The following KIF2A variants were observed in gnomAD, a reference collection of about 807,000 sequenced individuals.
The protein encoded by KIF2A is kinesin-like protein KIF2A.
Under a neutral mutation model 100.2 loss-of-function variants are expected in KIF2A, and 22 were observed. The observed-to-expected ratio is 0.22, with a 90% CI of 0.16 to 0.31. The LOEUF (loss-of-function observed/expected upper bound fraction) is 0.31, where lower values mean the gene tolerates loss of function less well. Ranked by LOEUF, KIF2A falls within the 10% of genes least tolerant of loss-of-function variation. KIF2A has a pLI of 1.00. For missense variants in KIF2A, 495 were observed against 898.7 expected (o/e 0.55, Z 5.74); for synonymous variants, 268 against 285.9 (o/e 0.94, Z 0.63).
intron 7 of KIF2A, among the ~76,000 whole-genome samples, chr5:62,356,923 T>G (rs184266025): frequency 6.6e-6 from 1 of 151,258 alleles, no homozygotes; most frequent in African/African-American, 2.4e-5. Context: ...GTAGCTGGAA[T>G]TACAGGCATG....
chr5:62,352,880 T>C, intron 5 of KIF2A, 170 bp downstream of exon 5: 1 of 521,088 alleles, frequency 1.9e-6, no homozygotes. Flanking sequence ...GTTAATTGGG[T>C]TTTTTAAAGT....
chr5:62,355,927 G>A (rs916018844), intron 7 of KIF2A, among the ~76,000 whole-genome samples: 15 of 150,356 alleles, frequency 1.0e-4, no homozygotes, highest in African/African-American at 2.9e-4. Flanking sequence ...GACTACAGGC[G>A]CCTGCCACCA....
chr5:62,373,002 G>A (rs922889856), intron 17 of KIF2A, among the ~76,000 whole-genome samples: 1 of 151,746 alleles, frequency 6.6e-6, no homozygotes, highest in South Asian at 2.1e-4. Flanking sequence ...TTTGGGAGGC[G>A]GAGGCTGGTG....
chr5:62,359,128 A>G (rs1425020694), intron 9 of KIF2A, among the ~76,000 whole-genome samples: 1 of 152,190 alleles, frequency 6.6e-6, no homozygotes, highest in African/African-American at 2.4e-5. Context: ...TGTTTTCTGT[A>G]TTCAACTTAA....
intron 18 of KIF2A, among the ~76,000 whole-genome samples, chr5:62,376,538 G>C (rs563439450): frequency 3.5e-4 from 53 of 152,146 alleles, no homozygotes; most frequent in African/African-American, 1.3e-3. Context: ...TCCTGCCTCA[G>C]CCTCCCGAGT....
Position 62,361,510 on chromosome 5 carries a change from A to G in KIF2A, c.1008A>G (p.Lys336=). 6.3e-7 allele frequency: 1 copy of G among 1,578,176 alleles called. No homozygotes were observed. The change falls in exon 11 of 21, where the codon AAA becomes AAG. Residue 336 remains lysine, a synonymous_variant. Coordinates refer to ENST00000407818, the MANE Select transcript of KIF2A (RefSeq NM_001098511.3). ...DFSGKNQDCS[K]GIYALAARDV... ...CAGGAAAGAACCAAGATTGTTCTAA[A>G]GGAATTTATGCATTAGCAGGTAACT...
chr5:62,336,165 T>C (rs986764276), intron 1 of KIF2A, among the ~76,000 whole-genome samples: 1 of 152,198 alleles, frequency 6.6e-6, no homozygotes, highest in African/African-American at 2.4e-5. Context: ...AAGAGATGGA[T>C]GAGGCTGAAG....
intron 1 of KIF2A, among the ~76,000 whole-genome samples, chr5:62,323,254 C>CA (rs147491794): frequency 0.28 from 32,896 of 117,242 alleles, 3,890 homozygotes; most frequent in Middle Eastern, 0.41. Flanking sequence ...AACTCCATCT[C>CA]AAAAAAAAAA....
chr5:62,365,549 G>A (rs956612754), intron 15 of KIF2A, among the ~76,000 whole-genome samples, 196 bp downstream of exon 15: 2 of 152,050 alleles, frequency 1.3e-5, no homozygotes, highest in Non-Finnish European at 2.9e-5. Flanking sequence ...CAGCATCTAG[G>A]TGTTATTGAG....
rs900125036 is a variant in KIF2A at position 62,329,611 on chromosome 5, T to C, written c.65-17519T>C. ...GGTAGTTGGCAAAACCAAGATATAA[T>C]GTGTGACTGTTAGTGTAGTTAACAT... On this transcript the variant is annotated intron_variant, in intron 1 of 20. Transcript: ENST00000407818. Among the ~76,000 whole-genome samples, 2 of 152,222 alleles carry C rather than the reference T, an allele frequency of 1.3e-5. 1 individual carries two copies. The highest frequency in any genetic ancestry group is 4.8e-5 in the African/African-American group (2 of 41,448).
chr5:62,352,750 A>T, intron 5 of KIF2A, 40 bp downstream of exon 5: 17 of 1,568,016 alleles, frequency 1.1e-5, no homozygotes, highest in Non-Finnish European at 1.3e-5. Context: ...CATTTTAGGC[A>T]TACATGTATT....
intron 5 of KIF2A, 168 bp downstream of exon 5, chr5:62,352,878 G>T: frequency 5.6e-6 from 3 of 533,746 alleles, no homozygotes; most frequent in Non-Finnish European, 9.2e-6. Context: ...CTGTTAATTG[G>T]GTTTTTTAAA....
At chr5:62,366,509 A>G (rs1268430614) in intron 16 of KIF2A, 28 bp downstream of exon 16, 1 of 1,325,836 alleles carries the variant, frequency 7.5e-7, no homozygotes, top group South Asian at 1.2e-5. Context: ...CCATTTTGAA[A>G]TTTGAGGGGA....
chr5:62,358,762 C>T (rs926950911), intron 9 of KIF2A, among the ~76,000 whole-genome samples: 4 of 152,228 alleles, frequency 2.6e-5, no homozygotes, highest in African/African-American at 9.7e-5. Context: ...CCTCGACCTT[C>T]CAGGCTCAGG....
At chr5:62,378,165 C>G (rs186096537) in intron 19 of KIF2A, among the ~76,000 whole-genome samples, 3 of 152,314 alleles carry the variant, frequency 2.0e-5, no homozygotes, top group African/African-American at 7.2e-5. Flanking sequence ...AGACTACTTA[C>G]TTCAGGAGAT....
chr5:62,323,242 G>A (rs1336691320), intron 1 of KIF2A, among the ~76,000 whole-genome samples: 2 of 129,606 alleles, frequency 1.5e-5, no homozygotes, highest in Admixed American at 7.9e-5. Context: ...GGCAACGAGC[G>A]AAACTCCATC....
At chr5:62,320,225 C>T (rs1227649670) in intron 1 of KIF2A, among the ~76,000 whole-genome samples, 1 of 152,106 alleles carries the variant, frequency 6.6e-6, no homozygotes, top group African/African-American at 2.4e-5. Flanking sequence ...AAATATACCA[C>T]AATTTATTTA....
intron 1 of KIF2A, among the ~76,000 whole-genome samples, chr5:62,335,518 G>T (rs1055238752): frequency 1.3e-5 from 2 of 152,144 alleles, no homozygotes; most frequent in African/African-American, 4.8e-5. Flanking sequence ...CTGTACAGGG[G>T]TGGGCCTGGA....
chr5:62,365,289 G>A lies in KIF2A; in HGVS notation c.1514G>A (p.Arg505His). 1 of 1,609,412 alleles carries A rather than the reference G, an allele frequency of 6.2e-7. No individual in the cohort carries two copies. Among genetic ancestry groups the A allele is most frequent in the Non-Finnish European group, 8.5e-7 (1 of 1,177,290 alleles). Residue 505 changes from arginine to histidine, a missense_variant, in exon 15 of 21, where the codon CGT becomes CAT. This residue lies in a region of KIF2A where 16 missense variants were observed against 78.1 expected (regional missense o/e 0.20). Transcript: ENST00000407818. ...AGAAATAAACCTCATACTCCTTTCCGTGCAAGTAAACTCACTCAGGTGTTA... is the reference window on the plus strand; with the variant it reads ...AGAAATAAACCTCATACTCCTTTCCATGCAAGTAAACTCACTCAGGTGTTA... ...LGRNKPHTPF[R>H]ASKLTQVLRD... is the part of the protein sequence containing the mutation.
Sources: gnomAD v4.1 joint callset for allele counts (sites outside exome capture counted in the v4.1 genomes callset) on GRCh38, gnomAD v4.1.1 for gene constraint, gnomAD v4.1.1 regional missense constraint, MANE v1.5 for transcripts, NCBI Gene and HGNC (gene_info 2026-07-23, HGNC 2026-07-21) for gene names.